The following ADARB1 variants were observed in gnomAD, a reference collection of about 807,000 sequenced individuals.
ADARB1 encodes the protein double-stranded RNA-specific editase 1.
In ADARB1, 10 loss-of-function variants were observed where a neutral mutation model predicts 52.4. The observed-to-expected ratio is 0.19, with a 90% CI of 0.12 to 0.32. ADARB1 has a LOEUF of 0.32. ADARB1 is among the 10% of genes least tolerant of loss of function. The probability of loss-of-function intolerance (pLI) is 1.00; values close to 1 mark genes in which losing one functional copy is unlikely to be tolerated. For missense variants in ADARB1, 643 were observed against 922.3 expected (o/e 0.70, Z 3.92); for synonymous variants, 349 against 371.1 (o/e 0.94, Z 0.68).
intron 1 of ADARB1, among the ~76,000 whole-genome samples, chr21:45,116,243 CAG>C (rs1308426683): frequency 6.6e-6 from 1 of 152,244 alleles, no homozygotes; most frequent in Non-Finnish European, 1.5e-5. Flanking sequence ...TCTCCATCTT[CAG>C]CCCCAGGGTG....
chr21:45,160,359 G>C (rs1462416574), intron 2 of ADARB1, among the ~76,000 whole-genome samples: 1 of 152,242 alleles, frequency 6.6e-6, no homozygotes, highest in Non-Finnish European at 1.5e-5. Flanking sequence ...CTGTTTGGTT[G>C]TTTTAACTCC....
intron 1 of ADARB1, chr21:45,118,696 AC>A (rs1329880288): frequency 1.3e-5 from 2 of 152,102 alleles, no homozygotes; most frequent in Non-Finnish European, 2.9e-5. Flanking sequence ...GTTACCCTAA[AC>A]CCGGATCTGC....
At position 45,218,422 on chromosome 21, in the gene ADARB1, T is replaced by C. The variant is rs148914172; in HGVS notation, c.1748-2414T>C. On this transcript the variant is annotated intron_variant, in intron 9 of 10. Coordinates refer to ENST00000348831, the MANE Select transcript of ADARB1 (RefSeq NM_001112.4). ...TTTATATCTTTATGTCTGTATCTTC[T>C]ATATGTGAATGTCAGGCACTTTTCC... Among the ~76,000 whole-genome samples the C allele has an allele frequency of 2.4e-3, 360 of 152,356 alleles. 3 individuals carry two copies. The highest frequency in any genetic ancestry group is 7.8e-3 in the African/African-American group (325 of 41,586).
At chr21:45,199,864 G>T (rs2092511331) in intron 8 of ADARB1, among the ~76,000 whole-genome samples, 1 of 152,166 alleles carries the variant, frequency 6.6e-6, no homozygotes, top group Admixed American at 6.5e-5. Flanking sequence ...ATCCTTGCTG[G>T]GGCGTGGGGA....
intron 1 of ADARB1, among the ~76,000 whole-genome samples, chr21:45,087,421 T>G (rs747638103): frequency 6.6e-6 from 1 of 152,078 alleles, no homozygotes; most frequent in Non-Finnish European, 1.5e-5. Context: ...AATGCTGCCC[T>G]TGATGTGAGA....
chr21:45,170,231 T>C (rs1053297583), intron 2 of ADARB1, among the ~76,000 whole-genome samples: 7 of 152,268 alleles, frequency 4.6e-5, no homozygotes, highest in Non-Finnish European at 8.8e-5. Flanking sequence ...CATTTGTAAA[T>C]ACTTCAGTAT....
At chr21:45,134,460 A>G (rs1299169090) in intron 2 of ADARB1, among the ~76,000 whole-genome samples, 3 of 151,072 alleles carry the variant, frequency 2.0e-5, no homozygotes, top group African/African-American at 7.3e-5. Flanking sequence ...TGTGTCTGAC[A>G]TGGGTGTGTG....
At chr21:45,126,904 G>C (rs1273976063) in intron 1 of ADARB1, among the ~76,000 whole-genome samples, 1 of 152,234 alleles carries the variant, frequency 6.6e-6, no homozygotes, top group Non-Finnish European at 1.5e-5. Flanking sequence ...TCTTGGCCAG[G>C]CTTGCAGAGT....
intron 2 of ADARB1, among the ~76,000 whole-genome samples, chr21:45,164,456 G>A (rs1328673351): frequency 2.6e-5 from 4 of 151,592 alleles, no homozygotes; most frequent in Admixed American, 2.6e-4. Context: ...CAGCCATGTG[G>A]GCCTCGCAGC....
At chr21:45,133,897 GA>G (rs1330706534) in intron 2 of ADARB1, among the ~76,000 whole-genome samples, 5 of 124,130 alleles carry the variant, frequency 4.0e-5, no homozygotes, top group Admixed American at 7.9e-5. Context: ...GTGTGCGCCC[GA>G]CGGGGGTGTG....
At chr21:45,076,577 CAT>C (rs1350661818) in intron 1 of ADARB1, among the ~76,000 whole-genome samples, 1 of 152,314 alleles carries the variant, frequency 6.6e-6, no homozygotes, top group East Asian at 1.9e-4. Flanking sequence ...ATTGATGACA[CAT>C]GTGTCTCTGG....
At chr21:45,091,986 CTATTT>C (rs2086577633) in intron 1 of ADARB1, among the ~76,000 whole-genome samples, 1 of 152,166 alleles carries the variant, frequency 6.6e-6, no homozygotes, top group Admixed American at 6.5e-5. Flanking sequence ...GAAAATAATT[CTATTT>C]TATTTATTTG....
Position 45,171,552 on chromosome 21 carries a change from T to G in ADARB1, c.-47-58T>G. ...TGTAATTATTTCCTTAGAGTAGACTTACTTCATATTACTCCTGTCATAGGC... is the reference window on the plus strand; with the variant it reads ...TGTAATTATTTCCTTAGAGTAGACTGACTTCATATTACTCCTGTCATAGGC... On this transcript the variant is annotated intron_variant, in intron 2 of 10. Transcript: ENST00000348831. The G allele has an allele frequency of 4.8e-6, 5 of 1,035,736 alleles. No homozygotes were observed. The East Asian group carries it at 9.5e-5, about 20-fold the overall frequency. The allele number at this position is 1,035,736 out of a possible 1,614,324, so 64.2% of individuals were successfully genotyped here.
intron 9 of ADARB1, among the ~76,000 whole-genome samples, chr21:45,211,192 G>C (rs950152179): frequency 6.6e-6 from 1 of 152,194 alleles, no homozygotes; most frequent in East Asian, 1.9e-4. Context: ...CTAATGGCTT[G>C]TGTTTATTTC....
chr21:45,209,678 T>TA (rs1049920572), intron 9 of ADARB1, among the ~76,000 whole-genome samples: 10 of 152,214 alleles, frequency 6.6e-5, no homozygotes, highest in African/African-American at 2.4e-4. Context: ...CCTGTAGCGT[T>TA]ACATTTATCT....
chr21:45,198,534 CAG>C (rs1569156380), intron 8 of ADARB1, among the ~76,000 whole-genome samples: 1 of 151,868 alleles, frequency 6.6e-6, no homozygotes, highest in African/African-American at 2.4e-5. Flanking sequence ...CACACACACA[CAG>C]AGAATAAATT....
At chr21:45,213,273 G>C (rs2092804012) in intron 9 of ADARB1, among the ~76,000 whole-genome samples, 1 of 151,996 alleles carries the variant, frequency 6.6e-6, no homozygotes, top group Admixed American at 6.6e-5. Flanking sequence ...GGGTTTTATA[G>C]CTTTAATTTT....
At chr21:45,100,907 AG>A in intron 1 of ADARB1, 1 of 152,664 alleles carries the variant, frequency 6.6e-6, no homozygotes, top group Non-Finnish European at 1.5e-5. Context: ...GATGCTGGGC[AG>A]GGGCCTGCTC....
chr21:45,132,457 G>A (rs777814372), intron 2 of ADARB1, among the ~76,000 whole-genome samples: 8 of 152,196 alleles, frequency 5.3e-5, no homozygotes, highest in Non-Finnish European at 1.0e-4. Context: ...ATCCACACCA[G>A]GTTTTGCCCA....
Sources: gnomAD v4.1 joint callset for allele counts (sites outside exome capture counted in the v4.1 genomes callset) on GRCh38, gnomAD v4.1.1 for gene constraint, MANE v1.5 for transcripts, NCBI Gene and HGNC (gene_info 2026-07-23, HGNC 2026-07-21) for gene names.